TM6SF1: variants seen among roughly 807,000 people sequenced by gnomAD.
TM6SF1 encodes the protein transmembrane 6 superfamily member 1.
TM6SF1 carries 43 observed loss-of-function variants against 47.1 expected under a neutral mutation model. The observed-to-expected ratio is 0.91, with a 90% CI of 0.72 to 1.18. The LOEUF is 1.18. Among genes scored for constraint, TM6SF1 ranks in the 50% most tolerant of loss-of-function variants. The probability of loss-of-function intolerance (pLI) is 0.00; values close to 1 mark genes in which losing one functional copy is unlikely to be tolerated. For synonymous variants in TM6SF1, 177 were observed against 166.3 expected, an observed-to-expected ratio of 1.06 and a Z score of -0.49; for missense variants, 390 against 449.0, an observed-to-expected ratio of 0.87 and a Z score of 1.19.
chr15:83,111,099 T>C (rs2034112501), intron 1 of TM6SF1, among the ~76,000 whole-genome samples: 1 of 152,136 alleles, frequency 6.6e-6, no homozygotes, highest in South Asian at 2.1e-4. Flanking sequence ...CTCCAACTCC[T>C]GACCTCGGGT....
At chr15:83,115,745 G>T in intron 2 of TM6SF1, 100 bp from the exon 3 acceptor site, 2 of 836,654 alleles carry the variant, frequency 2.4e-6, no homozygotes. Flanking sequence ...GCATCTTCTG[G>T]AAAACATGAA....
At chr15:83,119,077 C>T (rs751065907) in intron 3 of TM6SF1, among the ~76,000 whole-genome samples, 3 of 152,126 alleles carry the variant, frequency 2.0e-5, no homozygotes, top group Non-Finnish European at 2.9e-5. Context: ...TGTGAAGCTC[C>T]GAGTTCGGTG....
At chr15:83,126,680 C>G (rs572670951) in intron 7 of TM6SF1, 75 bp from the exon 8 acceptor site, 17 of 1,183,868 alleles carry the variant, frequency 1.4e-5, no homozygotes, top group Non-Finnish European at 8.6e-6. Flanking sequence ...CTAAACCTGG[C>G]ACATTTAGCC....
At chr15:83,124,919 C>G (rs1434984360) in intron 7 of TM6SF1, 143 bp downstream of exon 7, 4 of 697,058 alleles carry the variant, frequency 5.7e-6, no homozygotes, top group Non-Finnish European at 2.4e-6. Flanking sequence ...AGCCTGGAGC[C>G]CTGGACCTGC....
chr15:83,121,144 C>T (rs927645331), intron 4 of TM6SF1, among the ~76,000 whole-genome samples: 12 of 151,836 alleles, frequency 7.9e-5, no homozygotes, highest in African/African-American at 2.9e-4. Context: ...GATCTTGGCT[C>T]GCTGTAACCT....
chr15:83,133,334 ACT>A (rs2036385230), intron 9 of TM6SF1: 4 of 152,148 alleles, frequency 2.6e-5, no homozygotes, highest in African/African-American at 7.2e-5. Flanking sequence ...GACATATAAC[ACT>A]CTTTCAGTTC....
At chr15:83,122,657 T>G (rs780207383) in intron 5 of TM6SF1, 100 bp from the exon 6 acceptor site, 15 of 1,371,744 alleles carry the variant, frequency 1.1e-5, no homozygotes, top group Non-Finnish European at 1.4e-5. Flanking sequence ...GTCTGGCCCA[T>G]AGCAAAATTT....
Position 83,115,481 on chromosome 15 carries a change from T to C in TM6SF1, c.197-364T>C, listed in dbSNP as rs1411331529. The C allele has an allele frequency of 1.0e-5, 4 of 386,926 alleles. No individual in the cohort carries two copies. The East Asian group carries it at 2.6e-4, about 25-fold the overall frequency. 24.0% of individuals were successfully genotyped at this position (386,926 alleles called of 1,614,324 possible). ...TCCTTGGCCACTCAGTTACTGGCTT[T>C]GCTCCCACTGCCCATGTGGGATGTG... On this transcript the variant is annotated intron_variant, in intron 2 of 9. Coordinates refer to ENST00000322019, the MANE Select transcript of TM6SF1 (RefSeq NM_023003.5).
At chr15:83,118,432 G>C (rs2034901432) in intron 3 of TM6SF1, among the ~76,000 whole-genome samples, 2 of 152,236 alleles carry the variant, frequency 1.3e-5, no homozygotes, top group Admixed American at 6.5e-5. Flanking sequence ...AGAGAGCCAG[G>C]TGTGTTAGCA....
chr15:83,136,435 G>T, intron 9 of TM6SF1, 46 bp from the exon 10 acceptor site: 1 of 1,514,618 alleles, frequency 6.6e-7, no homozygotes, highest in South Asian at 1.3e-5. Context: ...GCATCCAACT[G>T]AACACGTTTC....
At chr15:83,126,732 A>C in intron 7 of TM6SF1, 23 bp from the exon 8 acceptor site, 1 of 1,582,932 alleles carries the variant, frequency 6.3e-7, no homozygotes, top group South Asian at 1.1e-5. Flanking sequence ...GTATTTTTAT[A>C]ATGAGTTTAT....
intron 2 of TM6SF1, chr15:83,114,635 C>T (rs542803205): frequency 2.6e-5 from 4 of 152,688 alleles, no homozygotes; most frequent in South Asian, 4.1e-4. Context: ...CAGGCAAGGC[C>T]GGCTTCCCTT....
At chr15:83,109,364 G>C (rs991432152) in intron 1 of TM6SF1, among the ~76,000 whole-genome samples, 1 of 152,208 alleles carries the variant, frequency 6.6e-6, no homozygotes, top group Non-Finnish European at 1.5e-5. Flanking sequence ...CAGAGGATTT[G>C]AGGATGAGCC....
intron 9 of TM6SF1, chr15:83,133,394 GTC>G (rs1240871479): frequency 6.6e-6 from 1 of 152,050 alleles, no homozygotes; most frequent in Non-Finnish European, 1.5e-5. Context: ...TTTACAGATT[GTC>G]TCTATACATG....
In TM6SF1 at chr15:83,136,904, A is replaced by T. The variant is rs2036649740; in HGVS notation, c.*232A>T. On this transcript the variant is annotated 3_prime_UTR_variant, in exon 10 of 10. Coordinates refer to ENST00000322019, the MANE Select transcript of TM6SF1 (RefSeq NM_023003.5). ...AATATATTCAAAATCATTTGTGAATAAACTTGATCATCCATCTCAATATTG... is the reference window on the plus strand; with the variant it reads ...AATATATTCAAAATCATTTGTGAATTAACTTGATCATCCATCTCAATATTG... The T allele has an allele frequency of 3.0e-6, 1 of 335,892 alleles. No homozygotes were observed. Among genetic ancestry groups the T allele is most frequent in the Admixed American group, 4.4e-5 (1 of 22,846 alleles). 20.8% of individuals were successfully genotyped at this position (335,892 alleles called of 1,614,324 possible). A position where few individuals can be genotyped will look rare whatever the true frequency, so the allele number is the denominator to read the frequency against.
At chr15:83,133,959 T>TA (rs1210766899) in intron 9 of TM6SF1, 2 of 152,198 alleles carry the variant, frequency 1.3e-5, no homozygotes, top group Non-Finnish European at 2.9e-5. Context: ...CCACTGGCCT[T>TA]AGAGTTCTTC....
At chr15:83,108,829 A>G (rs948419714) in intron 1 of TM6SF1, among the ~76,000 whole-genome samples, 5 of 152,230 alleles carry the variant, frequency 3.3e-5, no homozygotes, top group Non-Finnish European at 7.3e-5. Flanking sequence ...CGCCTGATAC[A>G]GGCAGCACCC....
intron 7 of TM6SF1, among the ~76,000 whole-genome samples, chr15:83,125,021 G>A (rs1014094847): frequency 6.6e-6 from 1 of 151,894 alleles, no homozygotes; most frequent in African/African-American, 2.4e-5. Context: ...CCCGTTTTAG[G>A]GCATCTAAAA....
chr15:83,113,082 C>T (rs1028772418), intron 2 of TM6SF1, 182 bp downstream of exon 2: 9 of 604,262 alleles, frequency 1.5e-5, no homozygotes, highest in South Asian at 3.9e-5. Context: ...AGGCAGTGGA[C>T]TCCACCCTCT....
Sources: allele counts gnomAD v4.1 joint callset (sites outside exome capture counted in the v4.1 genomes callset), GRCh38; gene constraint gnomAD v4.1.1; transcripts MANE v1.5; gene names NCBI Gene and HGNC (gene_info 2026-07-23, HGNC 2026-07-21).